The following CADM1 variants were observed in gnomAD, a reference collection of about 807,000 sequenced individuals.
CADM1 encodes TSLC-1.
A neutral mutation model predicts 53.1 loss-of-function variants in CADM1; 15 were observed. The observed-to-expected ratio is 0.28, with a 90% CI of 0.19 to 0.44. The LOEUF (loss-of-function observed/expected upper bound fraction) is 0.44. CADM1 is among the 20% of genes least tolerant of loss of function. The pLI, the probability that CADM1 is intolerant of heterozygous loss-of-function variation, is 1.00. For missense variants in CADM1, 434 were observed against 611.3 expected (o/e 0.71, Z 3.06); for synonymous variants, 281 against 243.0 (o/e 1.16, Z -1.45).
At chr11:115,479,464 G>A (rs1219830420) in intron 1 of CADM1, among the ~76,000 whole-genome samples, 1 of 152,014 alleles carries the variant, frequency 6.6e-6, no homozygotes, top group Admixed American at 6.6e-5. Flanking sequence ...TAGAGCTTCA[G>A]AACCCAACCC....
intron 1 of CADM1, among the ~76,000 whole-genome samples, chr11:115,470,696 G>A (rs752178828): frequency 6.6e-6 from 1 of 152,130 alleles, no homozygotes; most frequent in Non-Finnish European, 1.5e-5. Context: ...TTTGTGGAAT[G>A]ATTTTTTTCT....
intron 1 of CADM1, among the ~76,000 whole-genome samples, chr11:115,320,067 T>C (rs1316932899): frequency 6.6e-6 from 1 of 152,132 alleles, no homozygotes; most frequent in Non-Finnish European, 1.5e-5. Context: ...TATTCATTCA[T>C]TCATGTATTT....
At chr11:115,249,866 G>A (rs76555808) in intron 1 of CADM1, among the ~76,000 whole-genome samples, 2,198 of 152,242 alleles carry the variant, frequency 0.014, 43 homozygotes, top group African/African-American at 0.049. Context: ...CCCCTGAGTC[G>A]TAAGTATATC....
intron 1 of CADM1, among the ~76,000 whole-genome samples, chr11:115,493,575 G>T (rs560511773): frequency 3.3e-5 from 5 of 152,168 alleles, no homozygotes; most frequent in African/African-American, 1.2e-4. Flanking sequence ...GACAAAAATG[G>T]AGAACCCTAC....
chr11:115,259,290 C>CT (rs71066411), intron 1 of CADM1, among the ~76,000 whole-genome samples: 2,261 of 55,046 alleles, frequency 0.041, 466 homozygotes, highest in East Asian at 0.054. Flanking sequence ...CCAGTCTTAA[C>CT]TTTTTTTTTT....
At chr11:115,324,377 T>C (rs1470021518) in intron 1 of CADM1, among the ~76,000 whole-genome samples, 1 of 152,158 alleles carries the variant, frequency 6.6e-6, no homozygotes, top group Non-Finnish European at 1.5e-5. Flanking sequence ...AAAATGATGA[T>C]TTTGGTGCCA....
At chr11:115,426,432 T>A (rs577128226) in intron 1 of CADM1, among the ~76,000 whole-genome samples, 1 of 152,072 alleles carries the variant, frequency 6.6e-6, no homozygotes, top group East Asian at 1.9e-4. Flanking sequence ...GGAAGTGGGG[T>A]GCACACTGTA....
At chr11:115,191,787 T>G (rs1939884484) in intron 9 of CADM1, among the ~76,000 whole-genome samples, 1 of 152,218 alleles carries the variant, frequency 6.6e-6, no homozygotes, top group South Asian at 2.1e-4. Context: ...TGTTAGACAT[T>G]CAATGTGGCT....
intron 11 of CADM1, among the ~76,000 whole-genome samples, chr11:115,177,780 G>A (rs1939106921): frequency 2.0e-5 from 3 of 151,838 alleles, no homozygotes; most frequent in African/African-American, 7.3e-5. Context: ...ACTGTTTTAT[G>A]CTTGAGACAG....
chr11:115,206,214 A>T (rs1292690402), intron 8 of CADM1, among the ~76,000 whole-genome samples: 2 of 152,214 alleles, frequency 1.3e-5, no homozygotes, highest in African/African-American at 4.8e-5. Context: ...ACCATCCTAA[A>T]GTCAAAAAAT....
At chr11:115,190,711 C>A in intron 10 of CADM1, 177 bp downstream of exon 10, 2 of 574,904 alleles carry the variant, frequency 3.5e-6, no homozygotes, top group Non-Finnish European at 6.2e-6. Context: ...ATCGCTACCA[C>A]AGAGAAAACA....
chr11:115,202,466 T>C (rs916562864), intron 8 of CADM1, among the ~76,000 whole-genome samples: 9 of 152,196 alleles, frequency 5.9e-5, no homozygotes, highest in African/African-American at 1.9e-4. Context: ...GCGGTGCTCC[T>C]GCTTTACAAT....
intron 1 of CADM1, among the ~76,000 whole-genome samples, chr11:115,427,402 G>A (rs947481715): frequency 2.6e-5 from 4 of 152,208 alleles, no homozygotes; most frequent in African/African-American, 9.6e-5. Context: ...ACTGCTGGCT[G>A]AAGACAGCAG....
rs1941093743 is a variant in CADM1, at chr11:115,214,542, G to A, written c.994+66C>T. ...TTCAACTTGACCAAAAGCTTTGAGA[G>A]TAAATCACAAGTAGCAGCTCCATGT... On this transcript the variant is annotated intron_variant, in intron 7 of 11. Transcript: ENST00000331581. 9 of 1,484,126 alleles carry A rather than the reference G, an allele frequency of 6.1e-6. No homozygotes were observed. The East Asian group carries it at 1.8e-4, about 30-fold the overall frequency. 91.9% of individuals were successfully genotyped at this position (1,484,126 alleles called of 1,614,324 possible).
chr11:115,316,396 T>C (rs1944667479), intron 1 of CADM1, among the ~76,000 whole-genome samples: 1 of 152,130 alleles, frequency 6.6e-6, no homozygotes. Flanking sequence ...AGCTTGTTGA[T>C]AGTTTTCATT....
chr11:115,486,680 CCA>C (rs752057265), intron 1 of CADM1, among the ~76,000 whole-genome samples: 3 of 152,138 alleles, frequency 2.0e-5, no homozygotes, highest in Admixed American at 6.5e-5. Flanking sequence ...CAAAGTTTTT[CCA>C]CAGTCTGGCC....
At chr11:115,401,895 G>C (rs1168837514) in intron 1 of CADM1, among the ~76,000 whole-genome samples, 1 of 151,890 alleles carries the variant, frequency 6.6e-6, no homozygotes, top group African/African-American at 2.4e-5. Flanking sequence ...GCATGTATGG[G>C]GACAAGGAAA....
At chr11:115,300,122 A>C (rs1944180809) in intron 1 of CADM1, among the ~76,000 whole-genome samples, 1 of 152,164 alleles carries the variant, frequency 6.6e-6, no homozygotes, top group Non-Finnish European at 1.5e-5. Context: ...CAAAAAGGGA[A>C]GTAAAACATT....
intron 1 of CADM1, among the ~76,000 whole-genome samples, chr11:115,281,819 G>A (rs1431294321): frequency 6.6e-6 from 1 of 151,924 alleles, no homozygotes; most frequent in African/African-American, 2.4e-5. Flanking sequence ...CAACTGATGT[G>A]CAAAAGGTAA....
Sources: allele counts gnomAD v4.1 joint callset (sites outside exome capture counted in the v4.1 genomes callset), GRCh38; gene constraint gnomAD v4.1.1; transcripts MANE v1.5; gene names NCBI Gene and HGNC (gene_info 2026-07-23, HGNC 2026-07-21).